The following FAM199X variants were observed in gnomAD, a reference collection of about 807,000 sequenced individuals.
FAM199X encodes the protein protein FAM199X.
FAM199X carries 4 observed loss-of-function variants against 22.9 expected under a neutral mutation model. The ratio of observed to expected loss-of-function variants is 0.17; its 90% CI spans 0.09 to 0.40. The LOEUF (loss-of-function observed/expected upper bound fraction) is 0.40. FAM199X is among the 10% of genes least tolerant of loss of function. The pLI, the probability that FAM199X is intolerant of heterozygous loss-of-function variation, is 1.00. For missense variants in FAM199X, 183 were observed against 306.8 expected (o/e 0.60, Z 3.01); for synonymous variants, 101 against 112.3 (o/e 0.90, Z 0.64).
In FAM199X at chrX:104,172,155, G is replaced by A. The variant is rs5962513; in HGVS notation, c.198-3468G>A. Among the ~76,000 whole-genome samples, 280 of 108,053 alleles carry A rather than the reference G, an allele frequency of 2.6e-3. 2 individuals are homozygous for A. The highest frequency in any genetic ancestry group is 6.7e-3 in the Admixed American group (67 of 9,946). 93.8% of individuals were successfully genotyped at this position (108,053 alleles called of 115,157 possible). A position where few individuals can be genotyped will look rare whatever the true frequency, so the allele number is the denominator to read the frequency against. ...ATTGGTTCACACCTGTAATCCCAGC[G>A]CTTTGGAAGACCAAGGTGGGAGGAT... On this transcript the variant is annotated intron_variant, in intron 1 of 5. Coordinates refer to ENST00000493442, the MANE Select transcript of FAM199X (RefSeq NM_207318.4).
In FAM199X at chrX:104,188,271, T is replaced by A. The variant is rs782612392; in HGVS notation, c.961T>A (p.Ser321Thr). 9.1e-6 allele frequency: 11 copies of A among 1,210,990 alleles called. No individual in the cohort carries two copies. Among genetic ancestry groups the A allele is most frequent in the Admixed American group, 4.4e-5 (2 of 45,893 alleles). The change falls in exon 5 of 6, where the codon TCT (serine) becomes ACT (threonine). Residue 321 changes from serine (S) to threonine (T), a missense_variant. Around this residue, in one of 2 missense-constraint regions of FAM199X, gnomAD observed 128 missense variants for 246.2 expected, o/e 0.52. Transcript: ENST00000493442. ...MSRAHSDSNL[S>T]ASAAERIRDS... ...TCGAGCACACAGTGACAGCAACCTG[T>A]CTGCAAGTGCAGCAGAGCGGATTCG...
Position 104,180,288 on chromosome X carries a change from C to CT in FAM199X, c.417+4467dup, listed in dbSNP as rs573175887. On this transcript the variant is annotated intron_variant, in intron 2 of 5. Coordinates refer to ENST00000493442, the MANE Select transcript of FAM199X (RefSeq NM_207318.4). ...GAGCCACTGTGCTCAGCCAGTGTCTCTTTTTTTTTTTTTTTTTTTTTCTCA... is the reference window on the plus strand; with the variant it reads ...GAGCCACTGTGCTCAGCCAGTGTCTCTTTTTTTTTTTTTTTTTTTTTTCTCA... 8.3e-3 allele frequency among the ~76,000 whole-genome samples: 589 copies of CT among 71,201 alleles called. 5 individuals carry two copies. Among genetic ancestry groups the CT allele is most frequent in the Non-Finnish European group, 0.011 (394 of 35,941 alleles). The allele number at this position is 71,201 out of a possible 115,157, so 61.8% of individuals were successfully genotyped here. A position where few individuals can be genotyped will look rare whatever the true frequency, so the allele number is the denominator to read the frequency against.
In FAM199X at chrX:104,180,617, A is replaced by T. The variant is rs1373439743; in HGVS notation, c.417+4775A>T. 9.0e-5 allele frequency among the ~76,000 whole-genome samples: 10 copies of T among 111,406 alleles called. No homozygotes were observed. In the East Asian group the frequency reaches 2.2e-3, roughly 25 times the overall value. The stretch of plus-strand genomic sequence containing the variant: ...TTAGTAATGTGTTTTCCCACTTGTG[A>T]AATTGGAATACGGATACTCTATTAC... On this transcript the variant is annotated intron_variant, in intron 2 of 5. Coordinates refer to ENST00000493442, the MANE Select transcript of FAM199X (RefSeq NM_207318.4).
chrX:104,158,598 C>T, the FAM199X span, among the ~76,000 whole-genome samples: 1 of 112,156 alleles, frequency 8.9e-6, no homozygotes, highest in African/African-American at 3.2e-5. Context: ...CTGGAGAGAA[C>T]AAACCAATCC....
chrX:104,174,695 G>A (rs1921446564), intron 1 of FAM199X, among the ~76,000 whole-genome samples: 1 of 111,292 alleles, frequency 9.0e-6, no homozygotes, highest in Non-Finnish European at 1.9e-5. Context: ...ATATACTTAG[G>A]AAAATGTTTA....
intron 1 of FAM199X, among the ~76,000 whole-genome samples, chrX:104,167,322 G>T: frequency 1.1e-5 from 1 of 92,300 alleles, no homozygotes; most frequent in African/African-American, 4.3e-5. Context: ...GCCCCTGTTT[G>T]CATCCATCTG....
In FAM199X at chrX:104,166,674, A is replaced by G. The variant is rs1921199630; in HGVS notation, c.-112A>G. 4.4e-6 allele frequency: 3 copies of G among 681,685 alleles called. No individual in the cohort carries two copies. Among genetic ancestry groups the G allele is most frequent in the Non-Finnish European group, 6.2e-6 (3 of 480,642 alleles). 56.2% of individuals were successfully genotyped at this position (681,685 alleles called of 1,213,427 possible). On this transcript the variant is annotated 5_prime_UTR_variant, in exon 1 of 6. Transcript: ENST00000493442. ...ACGCCCAGCCTGCCAGTGAGCTGCG[A>G]CGGGCACACCCCGGAGCGTCGGCGA...
chrX:104,163,770 C>T (rs921926181), upstream of FAM199X, among the ~76,000 whole-genome samples: 8 of 104,138 alleles, frequency 7.7e-5, no homozygotes, highest in South Asian at 4.6e-4. Context: ...CAGGTTCAAG[C>T]GACTCTCCTG....
upstream of FAM199X, among the ~76,000 whole-genome samples, chrX:104,163,755 C>T (rs974795668): frequency 9.6e-6 from 1 of 104,477 alleles, no homozygotes; most frequent in South Asian, 4.7e-4. Context: ...GCAACCTCCA[C>T]CTGCCAGGTT....
intron 2 of FAM199X, among the ~76,000 whole-genome samples, chrX:104,183,464 T>C (rs1921712611): frequency 9.1e-6 from 1 of 110,334 alleles, no homozygotes; most frequent in African/African-American, 3.3e-5. Context: ...TTTTATGTTT[T>C]GTTTTCTTTT....
chrX:104,188,753 T>G (rs1339448598), intron 5 of FAM199X, among the ~76,000 whole-genome samples: 1 of 111,557 alleles, frequency 9.0e-6, no homozygotes, highest in Non-Finnish European at 1.9e-5. Flanking sequence ...ATCTAATACT[T>G]TCTATAATTT....
chrX:104,185,637 TCTGA>T (rs1304335905), intron 2 of FAM199X, among the ~76,000 whole-genome samples: 1 of 110,447 alleles, frequency 9.1e-6, no homozygotes, highest in Non-Finnish European at 1.9e-5. Context: ...TGAGATGGAG[TCTGA>T]CTATCTCCCA....
At chrX:104,164,845 ACT>A (rs1921120232), upstream of FAM199X, among the ~76,000 whole-genome samples, 1 of 111,031 alleles carries the variant, frequency 9.0e-6, no homozygotes, top group Admixed American at 9.5e-5. Context: ...GCCCCAATAC[ACT>A]CTAGCCTGAG....
Position 104,189,640 on chromosome X carries a change from G to A in FAM199X, c.1029G>A (p.Lys343=). ...CCAAGCAGCGGAAGTTACAGCAGAA[G>A]GCCTTCCGCAAGAGGCAGCTGAAGG... ...KRSKQRKLQQ[K]AFRKRQLKEQ... Residue 343 remains lysine, a synonymous_variant, in exon 6 of 6, where the codon AAG becomes AAA. Coordinates refer to ENST00000493442, the MANE Select transcript of FAM199X (RefSeq NM_207318.4). 1 of 1,211,811 alleles carries A rather than the reference G, an allele frequency of 8.3e-7. No homozygotes were observed. The highest frequency in any genetic ancestry group is 1.1e-6 in the Non-Finnish European group (1 of 895,445).
At chrX:104,160,858 T>C in the FAM199X span, among the ~76,000 whole-genome samples, 55 of 111,439 alleles carry the variant, frequency 4.9e-4, no homozygotes, top group Admixed American at 8.6e-4. Context: ...CTCCAAAGTA[T>C]ATATCCTATT....
At position 104,192,598 on chromosome X, in the gene FAM199X, A is replaced by G. The variant is rs1288672113; in HGVS notation, c.*2820A>G. 2.7e-5 allele frequency: 3 copies of G among 112,059 alleles called. No homozygotes were observed. The highest frequency in any genetic ancestry group is 3.8e-5 in the Non-Finnish European group (2 of 53,027). The allele number at this position is 112,059 out of a possible 1,213,427, so 9.2% of individuals were successfully genotyped here. ...AAAATGACATATATAATATTTTTCT[A>G]TAGTTTTGCAACTGAATTAAAGGAA... On this transcript the variant is annotated 3_prime_UTR_variant, in exon 6 of 6. Transcript: ENST00000493442.
intron 2 of FAM199X, among the ~76,000 whole-genome samples, chrX:104,184,564 T>G (rs2147895905): frequency 9.0e-6 from 1 of 111,344 alleles, no homozygotes; most frequent in South Asian, 3.8e-4. Context: ...TATACTTGAG[T>G]ATATGCATAT....
At chrX:104,171,556 TTATAG>T (rs1397578992) in intron 1 of FAM199X, among the ~76,000 whole-genome samples, 1 of 112,097 alleles carries the variant, frequency 8.9e-6, no homozygotes, top group East Asian at 2.8e-4. Context: ...TAAAAACTTA[TTATAG>T]AAAACTGAGG....
At chrX:104,159,611 G>A in the FAM199X span, among the ~76,000 whole-genome samples, 1 of 111,996 alleles carries the variant, frequency 8.9e-6, no homozygotes, top group African/African-American at 3.3e-5. Flanking sequence ...AGCTGTTCTG[G>A]GGTCCTAACA....
Sources: allele counts gnomAD v4.1 joint callset (sites outside exome capture counted in the v4.1 genomes callset), GRCh38; gene constraint gnomAD v4.1.1; regional missense constraint gnomAD v4.1.1; transcripts MANE v1.5; gene names NCBI Gene and HGNC (gene_info 2026-07-23, HGNC 2026-07-21).